The following SYN2 variants were observed in gnomAD, a reference collection of about 807,000 sequenced individuals.
The protein encoded by SYN2 is synapsin-2.
In SYN2, 19 loss-of-function variants were observed where a neutral mutation model predicts 50.9. The ratio of observed to expected loss-of-function variants is 0.37; its 90% CI spans 0.26 to 0.55. SYN2 has a LOEUF of 0.55. Ranked by LOEUF, SYN2 falls within the 20% of genes least tolerant of loss-of-function variation. The probability of loss-of-function intolerance (pLI) is 0.81; values close to 1 mark genes in which losing one functional copy is unlikely to be tolerated. For missense variants in SYN2, 587 were observed against 576.4 expected (o/e 1.02, Z -0.19); for synonymous variants, 255 against 224.9 (o/e 1.13, Z -1.20).
intron 1 of SYN2, among the ~76,000 whole-genome samples, chr3:12,104,565 CTTTTCTTTTTTT>C (rs1163065501): frequency 4.4e-5 from 3 of 68,580 alleles, no homozygotes; most frequent in African/African-American, 1.8e-4. Flanking sequence ...TTTTTCTTTT[CTTTTCTTTTTTT>C]TTTTTTTTTT....
intron 1 of SYN2, among the ~76,000 whole-genome samples, chr3:12,102,362 G>C (rs1696095708): frequency 6.6e-6 from 1 of 152,046 alleles, no homozygotes; most frequent in African/African-American, 2.4e-5. Flanking sequence ...GCAGGGATCT[G>C]GAAACTCCAT....
chr3:12,110,443 G>A (rs1380966968), intron 1 of SYN2, among the ~76,000 whole-genome samples: 1 of 152,192 alleles, frequency 6.6e-6, no homozygotes, highest in Admixed American at 6.5e-5. Flanking sequence ...TCGGAGGACA[G>A]TGGCCCTCTT....
intron 1 of SYN2, among the ~76,000 whole-genome samples, chr3:12,084,794 A>G (rs1384396082): frequency 6.6e-6 from 1 of 152,204 alleles, no homozygotes; most frequent in Admixed American, 6.5e-5. Flanking sequence ...GAGTTTGTGT[A>G]AGTGATCAAA....
At chr3:12,058,224 G>A (rs307602) in intron 1 of SYN2, among the ~76,000 whole-genome samples, 97,598 of 152,062 alleles carry the variant, frequency 0.64, 33,857 homozygotes, top group South Asian at 0.78. Context: ...TATCTTAACA[G>A]TTTAGCATAA....
chr3:12,080,560 C>T (rs941001785), intron 1 of SYN2, among the ~76,000 whole-genome samples: 2 of 152,084 alleles, frequency 1.3e-5, no homozygotes, highest in East Asian at 1.9e-4. Context: ...TTATTATTTA[C>T]CCAGGAGTCT....
intron 5 of SYN2, among the ~76,000 whole-genome samples, chr3:12,153,980 A>G (rs1697379453): frequency 1.3e-5 from 2 of 152,320 alleles, no homozygotes; most frequent in South Asian, 4.1e-4. Flanking sequence ...CAGAGCTTTC[A>G]TTTCTTCACC....
intron 10 of SYN2, among the ~76,000 whole-genome samples, chr3:12,170,238 G>A (rs2125244235): frequency 6.6e-6 from 1 of 152,302 alleles, no homozygotes; most frequent in South Asian, 2.1e-4. Flanking sequence ...AAACTGAGAG[G>A]TATTTGAGGA....
chr3:12,021,833 G>A (rs1694143446), intron 1 of SYN2, among the ~76,000 whole-genome samples: 1 of 151,788 alleles, frequency 6.6e-6, no homozygotes, highest in African/African-American at 2.4e-5. Flanking sequence ...GGGAGGCCGA[G>A]GTGGGCAGAT....
In SYN2 at chr3:12,183,967, A is replaced by G. The variant is rs564260440; in HGVS notation, c.1369+595A>G. ...CATGACTATTGTAACTAGATAGAAC[A>G]TTAAGAGATTTTCAAGATCAAACTT... On this transcript the variant is annotated intron_variant, in intron 11 of 12. Coordinates refer to ENST00000621198, the MANE Select transcript of SYN2 (RefSeq NM_133625.6). 3.0e-6 allele frequency: 3 copies of G among 986,558 alleles called. No individual in the cohort carries two copies. The East Asian group carries it at 3.4e-4, about 112-fold the overall frequency. The allele number at this position is 986,558 out of a possible 1,614,324, so 61.1% of individuals were successfully genotyped here.
At chr3:12,134,881 CT>C (rs1242461614) in intron 1 of SYN2, among the ~76,000 whole-genome samples, 3 of 152,116 alleles carry the variant, frequency 2.0e-5, no homozygotes, top group Middle Eastern at 3.2e-3. Flanking sequence ...TATTGGCGTC[CT>C]TTTGTAGACT....
intron 3 of SYN2, among the ~76,000 whole-genome samples, chr3:12,143,185 GT>G (rs1461857692): frequency 5.9e-5 from 9 of 152,300 alleles, no homozygotes; most frequent in African/African-American, 2.2e-4. Context: ...TGTAACTGGG[GT>G]GCAGGATTGG....
chr3:12,007,487 C>T (rs1275773560), intron 1 of SYN2, among the ~76,000 whole-genome samples: 7 of 152,136 alleles, frequency 4.6e-5, no homozygotes, highest in East Asian at 3.8e-4. Context: ...CCGTGACAAG[C>T]GCAGTGACTT....
chr3:12,125,123 T>C (rs976709305), intron 1 of SYN2, among the ~76,000 whole-genome samples: 1 of 152,090 alleles, frequency 6.6e-6, no homozygotes, highest in Non-Finnish European at 1.5e-5. Context: ...CAAGTGATTC[T>C]CCTGCCTCAG....
rs748406854 is a variant in SYN2, at chr3:12,140,632, G to C, written c.378-19G>C. On this transcript the variant is annotated intron_variant, in intron 1 of 12. Coordinates refer to ENST00000621198, the MANE Select transcript of SYN2 (RefSeq NM_133625.6). ...TACTTGCACAAAACTAATTTGTGTG[G>C]GTTTATTCTTTTCTCCAGGGCCAAG... 5.4e-6 allele frequency: 4 copies of C among 747,620 alleles called. No individual in the cohort carries two copies. In the East Asian group the frequency reaches 9.9e-5, roughly 19 times the overall value. 46.3% of individuals were successfully genotyped at this position (747,620 alleles called of 1,614,324 possible).
At chr3:12,142,453 A>G (rs1294045075) in intron 3 of SYN2, among the ~76,000 whole-genome samples, 2 of 152,194 alleles carry the variant, frequency 1.3e-5, no homozygotes, top group Non-Finnish European at 2.9e-5. Flanking sequence ...CCTGTCTTCT[A>G]TGTGAGATCA....
Position 12,141,974 on chromosome 3 carries a change from C to A in SYN2, c.505C>A (p.Arg169=). 1.3e-6 allele frequency: 1 copy of A among 780,772 alleles called. No homozygotes were observed. Among genetic ancestry groups the A allele is most frequent in the Non-Finnish European group, 2.4e-6 (1 of 417,940 alleles). 48.4% of individuals were successfully genotyped at this position (780,772 alleles called of 1,614,324 possible). A position where few individuals can be genotyped will look rare whatever the true frequency, so the allele number is the denominator to read the frequency against. The change falls in exon 3 of 13, where the codon CGG becomes AGG. Residue 169 remains arginine, a synonymous_variant. Transcript: ENST00000621198. ...GTYAVDMQVL[R]NGTKVVRSFR... ...CTATGCTGTGGATATGCAGGTTCTC[C>A]GGAATGGCACAAAGGTTGTCCGGTA...
intron 1 of SYN2, among the ~76,000 whole-genome samples, chr3:12,085,361 A>G (rs1286866526): frequency 2.2e-3 from 254 of 116,048 alleles, no homozygotes; most frequent in Non-Finnish European, 3.3e-3. Flanking sequence ...ATACACACAC[A>G]CACACACACA....
At chr3:12,100,164 G>A (rs919696095) in intron 1 of SYN2, among the ~76,000 whole-genome samples, 3 of 151,956 alleles carry the variant, frequency 2.0e-5, no homozygotes, top group African/African-American at 7.2e-5. Context: ...GGAAATCCTA[G>A]GGATCCAGAA....
At chr3:12,099,543 A>G (rs1696019485) in intron 1 of SYN2, among the ~76,000 whole-genome samples, 1 of 152,196 alleles carries the variant, frequency 6.6e-6, no homozygotes, top group African/African-American at 2.4e-5. Context: ...CTATAGGTAA[A>G]AGCATTGCCT....
Sources: gnomAD v4.1 joint callset for allele counts (sites outside exome capture counted in the v4.1 genomes callset) on GRCh38, gnomAD v4.1.1 for gene constraint, MANE v1.5 for transcripts, NCBI Gene and HGNC (gene_info 2026-07-23, HGNC 2026-07-21) for gene names.